KSR1: variants seen among roughly 807,000 people sequenced by gnomAD.
The protein encoded by KSR1 is kinase suppressor of ras.
KSR1 carries 35 observed loss-of-function variants against 92.9 expected under a neutral mutation model. The ratio of observed to expected loss-of-function variants is 0.38; its 90% CI spans 0.29 to 0.50. The LOEUF (loss-of-function observed/expected upper bound fraction) is 0.50. Ranked by LOEUF, KSR1 falls within the 20% of genes least tolerant of loss-of-function variation. The probability of loss-of-function intolerance (pLI) is 0.94; values close to 1 mark genes in which losing one functional copy is unlikely to be tolerated. For missense variants in KSR1, 972 were observed against 1,158.5 expected (o/e 0.84, Z 2.34); for synonymous variants, 467 against 472.6 (o/e 0.99, Z 0.15).
intron 1 of KSR1, among the ~76,000 whole-genome samples, chr17:27,505,684 G>A (rs1212229741): frequency 6.6e-6 from 1 of 152,208 alleles, no homozygotes; most frequent in Non-Finnish European, 1.5e-5. Context: ...AAATAAGTTA[G>A]TGTAATTACC....
At chr17:27,495,682 C>A (rs570358340) in intron 1 of KSR1, among the ~76,000 whole-genome samples, 1 of 152,242 alleles carries the variant, frequency 6.6e-6, no homozygotes, top group East Asian at 1.9e-4. Flanking sequence ...ACTGTGATTT[C>A]AGAATAACAG....
chr17:27,620,173 T>C (rs1208281338), intron 19 of KSR1, among the ~76,000 whole-genome samples: 4 of 152,226 alleles, frequency 2.6e-5, no homozygotes, highest in African/African-American at 9.6e-5. Flanking sequence ...GGGAATACCA[T>C]GTCTCATGCA....
At chr17:27,581,833 G>A (rs960252464) in intron 3 of KSR1, among the ~76,000 whole-genome samples, 1 of 152,106 alleles carries the variant, frequency 6.6e-6, no homozygotes, top group African/African-American at 2.4e-5. Flanking sequence ...CACAAGCCTC[G>A]GGGGCCTCAG....
chr17:27,572,253 T>C (rs2072337937), intron 2 of KSR1, among the ~76,000 whole-genome samples: 1 of 152,220 alleles, frequency 6.6e-6, no homozygotes, highest in African/African-American at 2.4e-5. Flanking sequence ...GAGCCAATGA[T>C]CTCTGATGCT....
Position 27,577,500 on chromosome 17 carries a change from CCGAGA to C in KSR1, c.383_387del (p.Arg128ProfsTer11). 6.4e-7 allele frequency: 1 copy of C among 1,555,336 alleles called. No individual in the cohort carries two copies. The highest frequency in any genetic ancestry group is 1.2e-5 in the South Asian group (1 of 85,786). Reference sequence around the variant, plus strand: ...TCCCTCTGTCCCCTTAGGAGATCCCCCGAGACCTCACGCTGGATGCCCTGCTGGAG... The same window carrying C: ...TCCCTCTGTCCCCTTAGGAGATCCCCCCTCACGCTGGATGCCCTGCTGGAG... On this transcript the variant is annotated frameshift_variant, in exon 3 of 21. Coordinates refer to ENST00000644974, the MANE Select transcript of KSR1 (RefSeq NM_001394583.1). LOFTEE classifies it high-confidence loss of function. This position sits in a 1 kb window ranked among gnomAD's most constrained non-coding sequence, Gnocchi z 4.5.
At position 27,582,941 on chromosome 17, in the gene KSR1, C is replaced by T. The variant is rs2072826112; in HGVS notation, c.816C>T (p.Pro272=). ...CCCTGCACAGCTTCATCACCCCGCC[C>T]ACCACACCCCAGCTGCGACGGCACA... ...PRALHSFITP[P]TTPQLRRHTK... Residue 272 remains proline (P), a synonymous_variant, in exon 4 of 21, where the codon CCC becomes CCT. Coordinates refer to ENST00000644974, the MANE Select transcript of KSR1 (RefSeq NM_001394583.1). 9 of 1,609,234 alleles carry T rather than the reference C, an allele frequency of 5.6e-6. No individual in the cohort carries two copies. Among genetic ancestry groups the T allele is most frequent in the South Asian group, 2.2e-5 (2 of 90,780 alleles).
chr17:27,566,553 C>T (rs2072080296), intron 2 of KSR1: 1 of 399,040 alleles, frequency 2.5e-6, no homozygotes, highest in South Asian at 1.3e-4. Context: ...CGTGAGCCCA[C>T]CTGGGCTGGA....
At chr17:27,496,298 T>A (rs1349542500) in intron 1 of KSR1, among the ~76,000 whole-genome samples, 1 of 152,120 alleles carries the variant, frequency 6.6e-6, no homozygotes, top group East Asian at 1.9e-4. Flanking sequence ...TGTCTCTAAT[T>A]ACACTTAATA....
At chr17:27,586,723 G>C (rs985074195) in intron 5 of KSR1, among the ~76,000 whole-genome samples, 1 of 152,222 alleles carries the variant, frequency 6.6e-6, no homozygotes, top group Non-Finnish European at 1.5e-5. Flanking sequence ...ATCAGATGGA[G>C]GCGGTGCTTG....
intron 1 of KSR1, among the ~76,000 whole-genome samples, chr17:27,506,339 C>T (rs750934566): frequency 6.6e-6 from 1 of 152,218 alleles, no homozygotes; most frequent in African/African-American, 2.4e-5. Context: ...ACTACCCTAA[C>T]TCATGACTCC....
intron 4 of KSR1, among the ~76,000 whole-genome samples, chr17:27,583,714 A>G (rs149298397): frequency 2.3e-3 from 343 of 152,336 alleles, no homozygotes; most frequent in Admixed American, 4.7e-3. Context: ...TTGTTTTTTC[A>G]ACTTCCCTTG....
At position 27,625,558 on chromosome 17, in the gene KSR1, G is replaced by GGCTC. The variant is rs1232535518; in HGVS notation, c.*2167_*2170dup. 1 of 152,248 alleles carries GGCTC rather than the reference G, an allele frequency of 6.6e-6. No homozygotes were observed. Among genetic ancestry groups the GGCTC allele is most frequent in the Non-Finnish European group, 1.5e-5 (1 of 68,066 alleles). 9.4% of individuals were successfully genotyped at this position (152,248 alleles called of 1,614,324 possible). The stretch of plus-strand genomic sequence containing the variant: ...TGGAACTGAAGGACTGGGGGCAGCT[G>GGCTC]GCTCTCAGCCTGCCACCTCTGCACT... On this transcript the variant is annotated 3_prime_UTR_variant, in exon 21 of 21. Coordinates refer to ENST00000644974, the MANE Select transcript of KSR1 (RefSeq NM_001394583.1).
intron 18 of KSR1, among the ~76,000 whole-genome samples, chr17:27,616,096 T>C (rs771740717): frequency 1.3e-5 from 2 of 152,182 alleles, no homozygotes; most frequent in Admixed American, 6.5e-5. Flanking sequence ...TTTTTTTGTG[T>C]GTTTGTTTGT....
chr17:27,561,136 C>T (rs985024147), intron 2 of KSR1, among the ~76,000 whole-genome samples: 1 of 152,206 alleles, frequency 6.6e-6, no homozygotes, highest in African/African-American at 2.4e-5. Flanking sequence ...GGACAGGAGA[C>T]AGGGAGATCT....
At chr17:27,476,422 T>A (rs569733629) in intron 1 of KSR1, among the ~76,000 whole-genome samples, 2 of 152,336 alleles carry the variant, frequency 1.3e-5, no homozygotes, top group Admixed American at 1.3e-4. Context: ...GAGTCTTGGC[T>A]GCTGGGACTT....
At chr17:27,501,937 C>G in intron 1 of KSR1, among the ~76,000 whole-genome samples, 1 of 152,232 alleles carries the variant, frequency 6.6e-6, no homozygotes, top group East Asian at 1.9e-4. Context: ...AGGTGGGCTG[C>G]TGTAGCAGAG....
chr17:27,587,854 G>T (rs1406934325), intron 5 of KSR1, among the ~76,000 whole-genome samples: 1 of 152,234 alleles, frequency 6.6e-6, no homozygotes, highest in African/African-American at 2.4e-5. Context: ...GAAGGAGGGT[G>T]CCCAAGAAGT....
chr17:27,623,216 G>T, intron 20 of KSR1, 98 bp from the exon 21 acceptor site: 1 of 704,030 alleles, frequency 1.4e-6, no homozygotes. Context: ...TCTTGTTGGA[G>T]GCCAGGTCCT....
chr17:27,525,144 C>T (rs1192595268), intron 1 of KSR1, among the ~76,000 whole-genome samples: 1 of 152,214 alleles, frequency 6.6e-6, no homozygotes, highest in Non-Finnish European at 1.5e-5. Flanking sequence ...CTGCTTGTTA[C>T]TTGGTAGCAG....
Sources: allele counts gnomAD v4.1 joint callset (sites outside exome capture counted in the v4.1 genomes callset), GRCh38; gene constraint gnomAD v4.1.1; non-coding constraint Gnocchi (gnomAD v3.1); transcripts MANE v1.5; gene names NCBI Gene and HGNC (gene_info 2026-07-23, HGNC 2026-07-21).